MAP4K5: variants seen among roughly 807,000 people sequenced by gnomAD.
MAP4K5 encodes mitogen-activated protein kinase kinase kinase kinase 5, also known as MAPK/ERK kinase kinase kinase 5.
A neutral mutation model predicts 135.6 loss-of-function variants in MAP4K5; 82 were observed. That is an observed-to-expected ratio of 0.60 (90% CI 0.51 to 0.73). MAP4K5 has a LOEUF of 0.73. MAP4K5 is among the 30% of genes least tolerant of loss of function. The pLI is 0.00. For missense variants in MAP4K5, 907 were observed against 1,010.9 expected (o/e 0.90, Z 1.39); for synonymous variants, 347 against 335.0 (o/e 1.04, Z -0.39).
chr14:50,549,094 C>A (rs1018836742), intron 1 of MAP4K5, among the ~76,000 whole-genome samples: 1 of 152,028 alleles, frequency 6.6e-6, no homozygotes, highest in Non-Finnish European at 1.5e-5. Context: ...GTGCTTGGAC[C>A]CATTCACTTT....
At position 50,444,083 on chromosome 14, in the gene MAP4K5, T is replaced by C. The variant is rs369341109; in HGVS notation, c.1340-47A>G. Reference sequence around the variant, plus strand: ...GTTGAATGACCACACAAATAAGCACTTTCCTTGAAAAATTATTTCCCCTTT... The same window carrying C: ...GTTGAATGACCACACAAATAAGCACCTTCCTTGAAAAATTATTTCCCCTTT... On this transcript the variant is annotated intron_variant, in intron 18 of 32. Transcript: ENST00000682126. 2.0e-3 allele frequency: 2,567 copies of C among 1,297,102 alleles called. 64 individuals carry two copies. The South Asian group carries it at 0.03, about 15-fold the overall frequency. The allele number at this position is 1,297,102 out of a possible 1,614,324, so 80.3% of individuals were successfully genotyped here.
intron 3 of MAP4K5, among the ~76,000 whole-genome samples, chr14:50,489,412 T>A (rs2037434485): frequency 6.6e-6 from 1 of 152,214 alleles, no homozygotes; most frequent in Admixed American, 6.5e-5. Flanking sequence ...AATGTAAGGA[T>A]GAGACTAGTT....
chr14:50,472,525 T>C (rs1394170235), intron 9 of MAP4K5: 1 of 152,168 alleles, frequency 6.6e-6, no homozygotes, highest in Non-Finnish European at 1.5e-5. Flanking sequence ...GGAAGGCATG[T>C]AATTTTGCCA....
chr14:50,508,823 T>TGGA (rs1566685654), intron 2 of MAP4K5, among the ~76,000 whole-genome samples: 1 of 152,098 alleles, frequency 6.6e-6, no homozygotes, highest in African/African-American at 2.4e-5. Flanking sequence ...GACAGTGTGG[T>TGGA]GATTCCTCAA....
At chr14:50,483,255 G>A (rs1391111335) in intron 5 of MAP4K5, 1 of 152,068 alleles carries the variant, frequency 6.6e-6, no homozygotes, top group Admixed American at 6.6e-5. Context: ...AAATAACCGT[G>A]TCACTTTTGG....
intron 2 of MAP4K5, among the ~76,000 whole-genome samples, chr14:50,521,623 A>G (rs2038154331): frequency 6.6e-6 from 1 of 152,194 alleles, no homozygotes; most frequent in African/African-American, 2.4e-5. Flanking sequence ...AGTCATTCTT[A>G]GTCATTTTAA....
chr14:50,531,825 CT>C, intron 2 of MAP4K5, 116 bp downstream of exon 2: 1 of 764,570 alleles, frequency 1.3e-6, no homozygotes, highest in Non-Finnish European at 2.2e-6. Context: ...CGGCCGCTTT[CT>C]CCCCAAGAGG....
chr14:50,535,755 C>T (rs953203284), upstream of MAP4K5, among the ~76,000 whole-genome samples: 4 of 152,108 alleles, frequency 2.6e-5, no homozygotes, highest in African/African-American at 4.8e-5. Context: ...GGAAGGCAGT[C>T]GATATCCCTT....
upstream of MAP4K5, chr14:50,532,912 T>G (rs901957465): frequency 1.3e-5 from 2 of 152,278 alleles, no homozygotes; most frequent in African/African-American, 4.8e-5. Flanking sequence ...AGAAGGGCGA[T>G]GGGAACGTAG....
chr14:50,554,398 A>G (rs1023665722), intron 1 of MAP4K5, among the ~76,000 whole-genome samples: 1 of 152,158 alleles, frequency 6.6e-6, no homozygotes, highest in Non-Finnish European at 1.5e-5. Context: ...AGCCATGGCT[A>G]TACTTTATAG....
intron 9 of MAP4K5, among the ~76,000 whole-genome samples, chr14:50,473,716 CTTTTTTTTTT>C (rs398077753): frequency 6.3e-5 from 6 of 95,466 alleles, no homozygotes; most frequent in African/African-American, 9.4e-5. Context: ...TTTGGTTTCA[CTTTTTTTTTT>C]TTTTTTTTTT....
chr14:50,503,601 TATA>T (rs2037750928), intron 3 of MAP4K5, among the ~76,000 whole-genome samples: 1 of 152,062 alleles, frequency 6.6e-6, no homozygotes, highest in Admixed American at 6.6e-5. Flanking sequence ...TATAATGAAC[TATA>T]ATATTAGGTT....
intron 6 of MAP4K5, among the ~76,000 whole-genome samples, chr14:50,478,630 T>C (rs1255553834): frequency 6.6e-6 from 1 of 152,126 alleles, no homozygotes; most frequent in Admixed American, 6.5e-5. Flanking sequence ...GAATATATAC[T>C]GGTTAAACAT....
chr14:50,493,988 A>G (rs2037540611), intron 3 of MAP4K5, among the ~76,000 whole-genome samples: 1 of 148,668 alleles, frequency 6.7e-6, no homozygotes, highest in African/African-American at 2.5e-5. Flanking sequence ...AATCCATCGC[A>G]AAAAAAAACA....
intron 1 of MAP4K5, chr14:50,560,111 C>T (rs886050530): frequency 2.4e-6 from 2 of 824,656 alleles, no homozygotes; most frequent in African/African-American, 1.7e-5. Flanking sequence ...TTTTCCTCCC[C>T]ACTCCTTCCC....
intron 2 of MAP4K5, among the ~76,000 whole-genome samples, chr14:50,508,642 C>A (rs957923835): frequency 1.3e-5 from 2 of 151,826 alleles, no homozygotes; most frequent in African/African-American, 4.8e-5. Context: ...GTGCAGTACA[C>A]CAACATGGGA....
At chr14:50,438,150 CAAAA>C in intron 23 of MAP4K5, 56 bp from the exon 24 acceptor site, 2 of 691,774 alleles carry the variant, frequency 2.9e-6, no homozygotes, top group Non-Finnish European at 2.6e-6. Flanking sequence ...AAAACACACA[CAAAA>C]AAACCCTCAG....
At chr14:50,476,390 A>T in intron 6 of MAP4K5, 84 bp from the exon 7 acceptor site, 1 of 631,502 alleles carries the variant, frequency 1.6e-6, no homozygotes, top group South Asian at 3.1e-5. Flanking sequence ...ATTCTTATTG[A>T]ATAAGAAAAA....
chr14:50,532,089 C>T lies in MAP4K5; in HGVS notation c.-40G>A, dbSNP rs1239046572. The T allele has an allele frequency of 1.5e-6, 2 of 1,293,078 alleles. No homozygotes were observed. Among genetic ancestry groups the T allele is most frequent in the Non-Finnish European group, 2.2e-6 (2 of 926,680 alleles). 80.1% of individuals were successfully genotyped at this position (1,293,078 alleles called of 1,614,324 possible). A position where few individuals can be genotyped will look rare whatever the true frequency, so the allele number is the denominator to read the frequency against. On this transcript the variant is annotated 5_prime_UTR_variant, in exon 2 of 33. Transcript: ENST00000682126. ...CGGCCCCCGCCAGCTCACCCCGCGG[C>T]TCCCGGATTCCCGCTAACAAGCACG...
Sources: allele counts gnomAD v4.1 joint callset (sites outside exome capture counted in the v4.1 genomes callset), GRCh38; gene constraint gnomAD v4.1.1; transcripts MANE v1.5; gene names NCBI Gene and HGNC (gene_info 2026-07-23, HGNC 2026-07-21).